ALPL: variants seen among roughly 807,000 people sequenced by gnomAD.
ALPL encodes the protein alkaline phosphatase, biomineralization associated.
In ALPL, 42 loss-of-function variants were observed where a neutral mutation model predicts 51.3. The ratio of observed to expected loss-of-function variants is 0.82; its 90% confidence interval spans 0.64 to 1.06. ALPL has a LOEUF of 1.06. Among genes scored for constraint, ALPL ranks in the 50% least tolerant of loss-of-function variants. ALPL has a pLI of 0.00. For missense variants in ALPL, 589 were observed against 709.4 expected (o/e 0.83, Z 1.93); for synonymous variants, 279 against 296.4 (o/e 0.94, Z 0.60).
At chr1:21,566,851 C>A (rs1256332) in intron 6 of ALPL, among the ~76,000 whole-genome samples, 20,880 of 152,202 alleles carry the variant, frequency 0.14, 1,542 homozygotes, top group Middle Eastern at 0.2. Context: ...CCCGCCTCAG[C>A]CTCCCAAAGT....
chr1:21,536,257 A>G (rs1644104013), intron 1 of ALPL, among the ~76,000 whole-genome samples: 11 of 152,246 alleles, frequency 7.2e-5, no homozygotes, highest in Admixed American at 7.2e-4. Flanking sequence ...GGACTCTTAC[A>G]TTACCACATA....
intron 5 of ALPL, 69 bp from the exon 6 acceptor site, chr1:21,563,972 G>A (rs1233971026): frequency 5.0e-6 from 8 of 1,585,360 alleles, no homozygotes; most frequent in Middle Eastern, 1.8e-4. Context: ...GGAGGGGGAA[G>A]GGAGGGAGGA....
intron 1 of ALPL, among the ~76,000 whole-genome samples, chr1:21,512,941 A>G (rs959880902): frequency 2.6e-5 from 4 of 152,178 alleles, no homozygotes; most frequent in Non-Finnish European, 4.4e-5. Flanking sequence ...GTTTAATTGT[A>G]GGATGGTGGT....
chr1:21,563,056 G>A, intron 4 of ALPL, 54 bp from the exon 5 acceptor site: 1 of 1,606,476 alleles, frequency 6.2e-7, no homozygotes, highest in Non-Finnish European at 8.5e-7. Flanking sequence ...GGCGGGGTGG[G>A]TGCCACTGGG....
intron 1 of ALPL, among the ~76,000 whole-genome samples, chr1:21,518,798 CT>C (rs1409358456): frequency 6.6e-6 from 1 of 152,164 alleles, no homozygotes; most frequent in East Asian, 1.9e-4. Flanking sequence ...TGAAAACTAG[CT>C]GCCTGACTGC....
At chr1:21,560,864 T>C in intron 3 of ALPL, 119 bp downstream of exon 3, 1 of 1,363,900 alleles carries the variant, frequency 7.3e-7, no homozygotes, top group Admixed American at 2.0e-5. Context: ...GAAGGGTGTT[T>C]AAAAGGATGA....
intron 8 of ALPL, among the ~76,000 whole-genome samples, chr1:21,573,053 G>C (rs1313559040): frequency 1.3e-5 from 2 of 152,232 alleles, no homozygotes; most frequent in East Asian, 3.9e-4. Context: ...ACAATAGCAA[G>C]TTATGGAACA....
At chr1:21,522,771 G>T (rs2148069724) in intron 1 of ALPL, among the ~76,000 whole-genome samples, 1 of 152,300 alleles carries the variant, frequency 6.6e-6, no homozygotes, top group East Asian at 1.9e-4. Flanking sequence ...CTGGCAGGAG[G>T]GAGCCCCGAA....
At chr1:21,569,582 G>A (rs1242755768) in intron 7 of ALPL, among the ~76,000 whole-genome samples, 1 of 152,110 alleles carries the variant, frequency 6.6e-6, no homozygotes, top group Admixed American at 6.5e-5. Context: ...GAGGGGGGGT[G>A]CGGAGCCCCA....
chr1:21,536,697 A>T (rs929469742), intron 1 of ALPL, among the ~76,000 whole-genome samples: 28 of 152,026 alleles, frequency 1.8e-4, no homozygotes, highest in African/African-American at 6.3e-4. Flanking sequence ...TGGAGGCGGG[A>T]TCAGTCCCAC....
At chr1:21,512,109 C>G (rs1643700249) in intron 1 of ALPL, among the ~76,000 whole-genome samples, 2 of 152,168 alleles carry the variant, frequency 1.3e-5, no homozygotes, top group African/African-American at 4.8e-5. Flanking sequence ...GGCTGAGAAC[C>G]AGCACTCAGA....
intron 1 of ALPL, 45 bp from the exon 2 acceptor site, chr1:21,553,933 G>A: frequency 1.4e-6 from 1 of 722,040 alleles, no homozygotes; most frequent in Non-Finnish European, 2.5e-6. Flanking sequence ...AGGATCTCTA[G>A]AGCTGTGCCC....
chr1:21,551,473 A>T (rs1433451549), intron 1 of ALPL: 1 of 152,130 alleles, frequency 6.6e-6, no homozygotes, highest in Admixed American at 6.6e-5. Flanking sequence ...TTAATGAATT[A>T]GTATTTCGTA....
At chr1:21,557,116 T>C (rs990964596) in intron 2 of ALPL, among the ~76,000 whole-genome samples, 21 of 152,286 alleles carry the variant, frequency 1.4e-4, no homozygotes, top group Non-Finnish European at 1.9e-4. Context: ...TATTTTTTTT[T>C]CCCCAGCATT....
chr1:21,509,957 C>T lies in ALPL; in HGVS notation c.-105+440C>T, dbSNP rs1011844342. On this transcript the variant is annotated intron_variant, in intron 1 of 11. Coordinates refer to ENST00000374840, the MANE Select transcript of ALPL (RefSeq NM_000478.6). The surrounding 1 kb of genome is among the most constrained non-coding windows in gnomAD (Gnocchi z 6.0). ...GCTGCCAACCCCAAGGCCTCGTGGC[C>T]TGGCGCCCTCCCAGGCGTCCCACCT... 6.6e-6 allele frequency among the ~76,000 whole-genome samples: 1 copy of T among 152,206 alleles called. No homozygotes were observed. The highest frequency in any genetic ancestry group is 1.5e-5 in the Non-Finnish European group (1 of 68,024).
chr1:21,518,966 A>G (rs539124284), intron 1 of ALPL, among the ~76,000 whole-genome samples: 2 of 152,304 alleles, frequency 1.3e-5, no homozygotes, highest in Admixed American at 6.5e-5. Context: ...GCCACAGATC[A>G]AGTTGCATCT....
intron 1 of ALPL, among the ~76,000 whole-genome samples, chr1:21,552,654 T>C (rs1459617473): frequency 6.6e-6 from 1 of 152,132 alleles, no homozygotes; most frequent in Non-Finnish European, 1.5e-5. Flanking sequence ...TGAAGCGAAC[T>C]TCCTCCAGCC....
intron 1 of ALPL, among the ~76,000 whole-genome samples, chr1:21,547,626 A>C (rs1644270291): frequency 1.3e-5 from 2 of 152,128 alleles, no homozygotes; most frequent in African/African-American, 4.8e-5. Flanking sequence ...CAAGCGGGGC[A>C]CTCATTTCTC....
chr1:21,554,875 C>CTT (rs1644389506), intron 2 of ALPL, among the ~76,000 whole-genome samples: 12 of 131,626 alleles, frequency 9.1e-5, no homozygotes, highest in African/African-American at 2.8e-4. Flanking sequence ...CTTTCTTTCT[C>CTT]TCTTTCTTTC....
Sources: allele counts gnomAD v4.1 joint callset (sites outside exome capture counted in the v4.1 genomes callset), GRCh38; gene constraint gnomAD v4.1.1; non-coding constraint Gnocchi (gnomAD v3.1); transcripts MANE v1.5; gene names NCBI Gene and HGNC (gene_info 2026-07-23, HGNC 2026-07-21).